UNC13C: variants seen among roughly 807,000 people sequenced by gnomAD.
UNC13C encodes protein unc-13 homolog C.
In UNC13C, 174 loss-of-function variants were observed where a neutral mutation model predicts 245.4. The ratio of observed to expected loss-of-function variants is 0.71; its 90% CI spans 0.63 to 0.80. The LOEUF (loss-of-function observed/expected upper bound fraction) is 0.80. UNC13C is among the 30% of genes least tolerant of loss of function. UNC13C has a pLI of 0.00. For missense variants in UNC13C, 2,829 were observed against 2,602.9 expected (o/e 1.09, Z -1.89); for synonymous variants, 992 against 895.1 (o/e 1.11, Z -1.93).
intron 17 of UNC13C, among the ~76,000 whole-genome samples, chr15:54,346,997 A>T (rs913771590): frequency 2.0e-5 from 3 of 152,204 alleles, no homozygotes; most frequent in African/African-American, 7.2e-5. Context: ...GTGAACATCT[A>T]TGTGAAAATA....
chr15:54,474,784 C>T (rs1485969259), intron 19 of UNC13C, among the ~76,000 whole-genome samples: 7 of 151,798 alleles, frequency 4.6e-5, no homozygotes, highest in Admixed American at 4.6e-4. Flanking sequence ...TCAGGCTGTA[C>T]AAGAAGCATG....
At chr15:54,332,681 T>C (rs770945225) in intron 15 of UNC13C, among the ~76,000 whole-genome samples, 4 of 152,026 alleles carry the variant, frequency 2.6e-5, no homozygotes, top group Non-Finnish European at 4.4e-5. Flanking sequence ...TACACACATA[T>C]AATTTTAGTT....
chr15:54,300,485 A>G (rs1202077055), intron 13 of UNC13C, 112 bp downstream of exon 13: 1 of 1,104,568 alleles, frequency 9.1e-7, no homozygotes, highest in Non-Finnish European at 1.3e-6. Context: ...AGAGGATTAT[A>G]TTTCACTGTG....
At chr15:54,527,598 G>A (rs552458004) in intron 25 of UNC13C, among the ~76,000 whole-genome samples, 5 of 152,216 alleles carry the variant, frequency 3.3e-5, no homozygotes, top group Admixed American at 6.5e-5. Flanking sequence ...TTTCTGATTC[G>A]AAAGATATCT....
chr15:53,875,543 A>G, the UNC13C span, among the ~76,000 whole-genome samples: 2 of 152,074 alleles, frequency 1.3e-5, no homozygotes. Context: ...TTTCCAAAAA[A>G]CAAGTCACTG....
chr15:53,880,798 TA>T, the UNC13C span, among the ~76,000 whole-genome samples: 1 of 151,968 alleles, frequency 6.6e-6, no homozygotes, highest in African/African-American at 2.4e-5. Context: ...AGATGGCAAT[TA>T]TTGCTTACTG....
intron 26 of UNC13C, among the ~76,000 whole-genome samples, chr15:54,534,953 A>G (rs1319664639): frequency 1.3e-5 from 2 of 152,336 alleles, no homozygotes; most frequent in South Asian, 2.1e-4. Context: ...CAACACAAAA[A>G]TACGCTTAAG....
downstream of UNC13C, chr15:54,629,988 G>A (rs1161608306): frequency 6.6e-6 from 1 of 152,106 alleles, no homozygotes; most frequent in African/African-American, 2.4e-5. Context: ...GTTGTCTTCA[G>A]AACAAAGCCT....
Position 54,393,183 on chromosome 15 carries a change from T to G in UNC13C, c.4847+2T>G, listed in dbSNP as rs975309067. 6.4e-7 allele frequency: 1 copy of G among 1,570,466 alleles called. No homozygotes were observed. Among genetic ancestry groups the G allele is most frequent in the Non-Finnish European group, 8.6e-7 (1 of 1,163,588 alleles). ...TGCCTACACACCTGTCCTGAATCAG[T>G]AAGTACAATGTTTTGGAAATGAATG... On this transcript the variant is annotated splice_donor_variant, in intron 18 of 32. Transcript: ENST00000260323. LOFTEE classifies it high-confidence loss of function.
At chr15:54,615,565 C>T (rs1481424038) in intron 30 of UNC13C, among the ~76,000 whole-genome samples, 2 of 152,082 alleles carry the variant, frequency 1.3e-5, no homozygotes, top group Non-Finnish European at 2.9e-5. Context: ...CTCCACCTCT[C>T]TCTGCTCGAT....
chr15:54,221,504 T>C (rs1319766870), intron 4 of UNC13C, among the ~76,000 whole-genome samples: 4 of 151,736 alleles, frequency 2.6e-5, no homozygotes, highest in African/African-American at 9.7e-5. Context: ...TACATAACGT[T>C]AGGCAAAAAT....
At chr15:54,352,356 A>AGG (rs2039003931) in intron 17 of UNC13C, among the ~76,000 whole-genome samples, 4 of 114,630 alleles carry the variant, frequency 3.5e-5, no homozygotes, top group African/African-American at 1.8e-4. Flanking sequence ...ATATATATAG[A>AGG]GAGAGAGAGA....
At chr15:54,623,982 C>T in intron 32 of UNC13C, 28 bp downstream of exon 32, 1 of 1,611,826 alleles carries the variant, frequency 6.2e-7, no homozygotes, top group East Asian at 2.2e-5. Context: ...CTTACTTATT[C>T]TACCAGGCAA....
intron 4 of UNC13C, among the ~76,000 whole-genome samples, chr15:54,148,687 T>C (rs943663058): frequency 6.6e-6 from 1 of 152,206 alleles, no homozygotes; most frequent in African/African-American, 2.4e-5. Context: ...ATTTCAGTTC[T>C]TCCTATCAAG....
At chr15:54,115,491 T>G (rs2030176823) in intron 2 of UNC13C, among the ~76,000 whole-genome samples, 2 of 152,094 alleles carry the variant, frequency 1.3e-5, no homozygotes, top group African/African-American at 4.8e-5. Context: ...TACCATTTTA[T>G]TTTTCTTTTT....
chr15:54,337,444 A>G (rs1484236671), intron 16 of UNC13C, among the ~76,000 whole-genome samples: 4 of 152,140 alleles, frequency 2.6e-5, no homozygotes, highest in Non-Finnish European at 5.9e-5. Context: ...CTGAGCTCCC[A>G]TCCACAGTTT....
chr15:54,297,973 G>A (rs2037480394), intron 12 of UNC13C, 47 bp downstream of exon 12: 2 of 1,226,288 alleles, frequency 1.6e-6, no homozygotes, highest in East Asian at 5.1e-5. Flanking sequence ...AAATGTTCTT[G>A]ATTATGGATT....
chr15:54,177,217 G>A (rs1294633546), intron 4 of UNC13C, among the ~76,000 whole-genome samples: 1 of 152,092 alleles, frequency 6.6e-6, no homozygotes, highest in Non-Finnish European at 1.5e-5. Context: ...TCCTATGCAG[G>A]TACAATTTTA....
the UNC13C span, among the ~76,000 whole-genome samples, chr15:53,884,884 T>A: frequency 9.0e-3 from 1,368 of 152,212 alleles, 16 homozygotes; most frequent in African/African-American, 0.032. Context: ...ACAAAACTGT[T>A]GAGAAAGATT....
Sources: gnomAD v4.1 joint callset for allele counts (sites outside exome capture counted in the v4.1 genomes callset) on GRCh38, gnomAD v4.1.1 for gene constraint, MANE v1.5 for transcripts, NCBI Gene and HGNC (gene_info 2026-07-23, HGNC 2026-07-21) for gene names.